PUDP: variants seen among roughly 807,000 people sequenced by gnomAD.
PUDP encodes pseudouridine-5'-phosphatase.
A neutral mutation model predicts 9.4 loss-of-function variants in PUDP; 8 were observed. The ratio of observed to expected loss-of-function variants is 0.85; its 90% confidence interval spans 0.50 to 1.53. PUDP has a LOEUF of 1.53. Ranked by LOEUF, PUDP falls within the 40% of genes most tolerant of loss-of-function variation. The pLI is 0.00. For synonymous variants in PUDP, 99 were observed against 80.7 expected (o/e 1.23, Z -1.22); for missense variants, 188 against 189.7 (o/e 0.99, Z 0.05).
At chrX:6,742,279 G>C (rs973543087) in intron 3 of PUDP, among the ~76,000 whole-genome samples, 2 of 112,513 alleles carry the variant, frequency 1.8e-5, no homozygotes, top group African/African-American at 3.2e-5. Context: ...TTTAGGCCAA[G>C]GTCCCCAAAT....
intron 3 of PUDP, among the ~76,000 whole-genome samples, chrX:6,904,877 C>G (rs1482429916): frequency 9.0e-6 from 1 of 111,719 alleles, no homozygotes; most frequent in Non-Finnish European, 1.9e-5. Context: ...CACAAGCCCT[C>G]TAAGCACACT....
intron 3 of PUDP, among the ~76,000 whole-genome samples, chrX:6,842,221 T>C (rs1249756220): frequency 8.9e-6 from 1 of 112,412 alleles, no homozygotes; most frequent in Non-Finnish European, 1.9e-5. Context: ...TCCAAATATA[T>C]GTTACTATTA....
chrX:6,995,852 C>G, intron 1 of PUDP, among the ~76,000 whole-genome samples: 1 of 107,089 alleles, frequency 9.3e-6, no homozygotes, highest in Non-Finnish European at 1.9e-5. Context: ...ATATGAGAGG[C>G]GCTCACAGGT....
chrX:7,077,205 C>G lies in PUDP; in HGVS notation c.510+15G>C. 8.5e-7 allele frequency: 1 copy of G among 1,178,205 alleles called. No homozygotes were observed. Among genetic ancestry groups the G allele is most frequent in the Non-Finnish European group, 1.1e-6 (1 of 878,607 alleles). ...TGGTTGTGGAACACGGCCCGTGTCA[C>G]CGGCACCCACTTACCTTCTCCATAG... On this transcript the variant is annotated intron_variant, in intron 3 of 3. Transcript: ENST00000381077.
At chrX:6,793,281 C>T (rs761085708) in intron 3 of PUDP, among the ~76,000 whole-genome samples, 2 of 111,830 alleles carry the variant, frequency 1.8e-5, no homozygotes, top group South Asian at 7.6e-4. Context: ...GCAGATGGGA[C>T]AGGATGGGAG....
At chrX:6,967,210 C>T (rs929201468) in intron 3 of PUDP, among the ~76,000 whole-genome samples, 26 of 111,591 alleles carry the variant, frequency 2.3e-4, no homozygotes, top group African/African-American at 7.2e-4. Context: ...TGGTGCAGAC[C>T]CACGCGGTTC....
chrX:6,731,223 A>C (rs1007382177), intron 3 of PUDP, among the ~76,000 whole-genome samples: 4 of 111,866 alleles, frequency 3.6e-5, no homozygotes, highest in Non-Finnish European at 7.5e-5. Context: ...GGTGTGTGCC[A>C]CCATACCCAG....
intron 3 of PUDP, among the ~76,000 whole-genome samples, chrX:6,974,054 T>C (rs1928917471): frequency 8.9e-6 from 1 of 111,959 alleles, no homozygotes; most frequent in Non-Finnish European, 1.9e-5. Context: ...TCCATTTGCT[T>C]GGTAAATATT....
chrX:6,764,360 G>T (rs973159076), intron 3 of PUDP, among the ~76,000 whole-genome samples: 10 of 112,101 alleles, frequency 8.9e-5, no homozygotes, highest in Admixed American at 2.8e-4. Context: ...CATAACTGTG[G>T]CCTGGTGAAT....
In PUDP at chrX:6,844,704, G is replaced by A. The variant is rs142059939; in HGVS notation, c.*247+132429C>T. 7.6e-3 allele frequency among the ~76,000 whole-genome samples: 850 copies of A among 112,335 alleles called. 6 individuals are homozygous for A. The highest frequency in any genetic ancestry group is 0.025 in the African/African-American group (782 of 30,979). On this transcript the variant is annotated intron_variant and NMD_transcript_variant, in intron 3 of 3. Transcript: ENST00000655425. ...CAAGATGGGATTTATTATGCAAATT[G>A]GCTCATACAATTATGAAGACAAGAA... is the stretch of plus-strand genomic sequence containing the variant.
chrX:6,853,203 T>A (rs7883256), intron 3 of PUDP, among the ~76,000 whole-genome samples: 47,821 of 110,386 alleles, frequency 0.43, 8,763 homozygotes, highest in Non-Finnish European at 0.57. Context: ...CAAGTTCCCT[T>A]ATCTATGTCT....
At chrX:6,995,976 T>C (rs915752456) in intron 1 of PUDP, among the ~76,000 whole-genome samples, 5 of 109,358 alleles carry the variant, frequency 4.6e-5, no homozygotes, top group African/African-American at 1.7e-4. Context: ...GTTCTCTTTT[T>C]TTCTTTCCCA....
intron 3 of PUDP, among the ~76,000 whole-genome samples, chrX:7,067,595 C>A (rs1463969150): frequency 8.9e-6 from 1 of 111,816 alleles, no homozygotes; most frequent in African/African-American, 3.3e-5. Context: ...AAAAGACAGC[C>A]TCCCCATTGA....
chrX:6,951,551 CA>C (rs1284106531), intron 3 of PUDP, among the ~76,000 whole-genome samples: 1 of 111,638 alleles, frequency 9.0e-6, no homozygotes, highest in Non-Finnish European at 1.9e-5. Context: ...TCACATTCCC[CA>C]TGGCCTCTAC....
At chrX:7,060,069 C>T (rs1295763512) in intron 3 of PUDP, among the ~76,000 whole-genome samples, 2 of 111,800 alleles carry the variant, frequency 1.8e-5, no homozygotes, top group South Asian at 3.8e-4. Flanking sequence ...GGCCTCTCTT[C>T]GGTCCTCTCC....
intron 1 of PUDP, among the ~76,000 whole-genome samples, chrX:7,141,934 C>T (rs979241103): frequency 1.8e-5 from 2 of 111,981 alleles, no homozygotes; most frequent in African/African-American, 3.2e-5. Flanking sequence ...CATGGTTTAC[C>T]GAATATTTTA....
At position 7,023,213 on chromosome X, in the gene PUDP, G is replaced by A. The variant is rs111351334; in HGVS notation, c.205-44870C>T. Among the ~76,000 whole-genome samples the A allele has an allele frequency of 4.0e-3, 450 of 111,875 alleles. 3 individuals are homozygous for A. Among genetic ancestry groups the A allele is most frequent in the African/African-American group, 0.014 (435 of 30,779 alleles). ...GCTCCAATGTTGCCAATTGTCTCCAGGTAACTTAACCCAAACTGAGCAGAT... is the reference window on the plus strand; with the variant it reads ...GCTCCAATGTTGCCAATTGTCTCCAAGTAACTTAACCCAAACTGAGCAGAT... On this transcript the variant is annotated intron_variant and NMD_transcript_variant, in intron 1 of 3. Coordinates refer to the PUDP transcript ENST00000655425.
At chrX:6,982,980 C>A (rs1012586647) in intron 1 of PUDP, among the ~76,000 whole-genome samples, 13 of 112,131 alleles carry the variant, frequency 1.2e-4, no homozygotes, top group Non-Finnish European at 2.4e-4. Context: ...TCCATCCATA[C>A]AATGGAATAT....
chrX:6,852,074 C>T (rs1426903770), intron 3 of PUDP, among the ~76,000 whole-genome samples: 1 of 112,060 alleles, frequency 8.9e-6, no homozygotes, highest in Non-Finnish European at 1.9e-5. Context: ...GGAATTCATG[C>T]AGAAGAAAGT....
Sources: allele counts gnomAD v4.1 joint callset (sites outside exome capture counted in the v4.1 genomes callset), GRCh38; gene constraint gnomAD v4.1.1; transcripts MANE v1.5; gene names NCBI Gene and HGNC (gene_info 2026-07-23, HGNC 2026-07-21).